Variants in HECW2 observed in about 807,000 individuals in gnomAD.
The protein encoded by HECW2 is HECT, C2 and WW domain containing E3 ubiquitin protein ligase 2, also known as E3 ubiquitin-protein ligase HECW2.
HECW2 carries 61 observed loss-of-function variants against 175.2 expected under a neutral mutation model. The observed-to-expected ratio is 0.35, with a 90% CI of 0.28 to 0.43. HECW2 has a LOEUF of 0.43. Ranked by LOEUF, HECW2 falls within the 20% of genes least tolerant of loss-of-function variation. HECW2 has a pLI of 1.00. For synonymous variants in HECW2, 671 were observed against 731.0 expected, an observed-to-expected ratio of 0.92 and a Z score of 1.32; for missense variants, 1,524 against 2,000.5, an observed-to-expected ratio of 0.76 and a Z score of 4.54.
At chr2:196,303,630 T>C (rs1393609594) in intron 13 of HECW2, among the ~76,000 whole-genome samples, 3 of 152,212 alleles carry the variant, frequency 2.0e-5, no homozygotes, top group Non-Finnish European at 2.9e-5. Context: ...CCTGGTTCAG[T>C]CTTGGGAGGG....
intron 13 of HECW2, among the ~76,000 whole-genome samples, chr2:196,305,109 T>G (rs1156316673): frequency 6.6e-6 from 1 of 152,208 alleles, no homozygotes; most frequent in Non-Finnish European, 1.5e-5. Flanking sequence ...TAGCCATCCA[T>G]TATTGCACTT....
chr2:196,287,958 T>C (rs1476369556), intron 14 of HECW2: 2 of 152,164 alleles, frequency 1.3e-5, no homozygotes, highest in Admixed American at 1.3e-4. Context: ...GACCCTTGCA[T>C]AGCACATACC....
intron 13 of HECW2, among the ~76,000 whole-genome samples, chr2:196,299,253 C>A (rs1281070571): frequency 6.6e-6 from 1 of 151,148 alleles, no homozygotes; most frequent in African/African-American, 2.4e-5. Flanking sequence ...GATAGACTAT[C>A]CAGCAAAATA....
Position 196,207,377 on chromosome 2 carries a change from CAACTAATGGTAA to C in HECW2, c.4608-6001_4608-5990del, listed in dbSNP as rs200654991. On this transcript the variant is annotated intron_variant, in intron 28 of 28. Coordinates refer to ENST00000644978, the MANE Select transcript of HECW2 (RefSeq NM_001348768.2). ...GTTAGCCTGGGTAGCTTTATTAACA[CAACTAATGGTAA>C]AACTTGTTAGAATTTTTAAAATATT... is the stretch of plus-strand genomic sequence containing the variant. Among the ~76,000 whole-genome samples the C allele has an allele frequency of 3.5e-3, 536 of 152,256 alleles. 7 individuals are homozygous for C. Among genetic ancestry groups the C allele is most frequent in the East Asian group, 6.2e-3 (32 of 5,184 alleles).
chr2:196,348,101 A>G (rs967274862), intron 2 of HECW2, among the ~76,000 whole-genome samples: 13 of 152,254 alleles, frequency 8.5e-5, no homozygotes, highest in Admixed American at 5.9e-4. Flanking sequence ...AAGAAGATCA[A>G]TTTTAATTAG....
Position 196,436,763 on chromosome 2 carries a change from A to C in HECW2, c.-35-3305T>G, listed in dbSNP as rs1421027267. 5.3e-4 allele frequency among the ~76,000 whole-genome samples: 70 copies of C among 132,908 alleles called. No homozygotes were observed. The Admixed American group carries it at 5.3e-3, about 10-fold the overall frequency. The allele number at this position is 132,908 out of a possible 152,430, so 87.2% of individuals were successfully genotyped here. A position where few individuals can be genotyped will look rare whatever the true frequency, so the allele number is the denominator to read the frequency against. On this transcript the variant is annotated intron_variant, in intron 1 of 28. Transcript: ENST00000644978. Reference sequence around the variant, plus strand: ...AAAGAGTAAGGTTTTTTTTTTTTTCAATTTCTTTCTTTTCTTTTCCTAACA... The same window carrying C: ...AAAGAGTAAGGTTTTTTTTTTTTTCCATTTCTTTCTTTTCTTTTCCTAACA...
At chr2:196,358,693 C>T (rs1693476887) in intron 2 of HECW2, among the ~76,000 whole-genome samples, 1 of 148,700 alleles carries the variant, frequency 6.7e-6, no homozygotes, top group Admixed American at 6.7e-5. Context: ...TCTCCAACTT[C>T]ATTTCCTTAG....
Position 196,194,706 on chromosome 2 carries a change from C to CTTA in HECW2, c.*6568_*6570dup, listed in dbSNP as rs780635470. On this transcript the variant is annotated 3_prime_UTR_variant, in exon 29 of 29. Transcript: ENST00000644978. ...TAAGGTGAAGTGAGAGCTGTATAAC[C>CTTA]TTAATGCTAACAGCAAGCATCTCCC... is the stretch of plus-strand genomic sequence containing the variant. 7 of 151,932 alleles carry CTTA rather than the reference C, an allele frequency of 4.6e-5. No homozygotes were observed. The highest frequency in any genetic ancestry group is 7.4e-5 in the Non-Finnish European group (5 of 67,986). 9.4% of individuals were successfully genotyped at this position (151,932 alleles called of 1,614,324 possible).
At chr2:196,293,445 T>C (rs1398212183) in intron 13 of HECW2, among the ~76,000 whole-genome samples, 1 of 152,248 alleles carries the variant, frequency 6.6e-6, no homozygotes, top group Non-Finnish European at 1.5e-5. Flanking sequence ...CTATTGTGAA[T>C]GATGCTGCAA....
At chr2:196,296,919 G>T (rs897275367) in intron 13 of HECW2, among the ~76,000 whole-genome samples, 4 of 152,210 alleles carry the variant, frequency 2.6e-5, no homozygotes, top group South Asian at 4.2e-4. Flanking sequence ...GTTCTCCTGG[G>T]GTTTAGTGGT....
intron 28 of HECW2, among the ~76,000 whole-genome samples, chr2:196,205,777 T>G (rs1687045807): frequency 2.0e-5 from 3 of 152,140 alleles, no homozygotes; most frequent in Admixed American, 1.3e-4. Context: ...ATATGCCAAG[T>G]GAGTCTGATG....
At chr2:196,412,243 C>A (rs1695133812) in intron 2 of HECW2, among the ~76,000 whole-genome samples, 1 of 152,128 alleles carries the variant, frequency 6.6e-6, no homozygotes, top group South Asian at 2.1e-4. Context: ...TCTTTTGCGA[C>A]CAGTGTAGGA....
At chr2:196,360,377 G>C (rs1693544096) in intron 2 of HECW2, among the ~76,000 whole-genome samples, 2 of 152,004 alleles carry the variant, frequency 1.3e-5, no homozygotes, top group Non-Finnish European at 2.9e-5. Flanking sequence ...AAAAAAGAAT[G>C]AGATCATGTA....
chr2:196,212,910 A>G (rs79490528), intron 28 of HECW2, among the ~76,000 whole-genome samples: 3,023 of 152,308 alleles, frequency 0.02, 99 homozygotes, highest in African/African-American at 0.069. Context: ...TTTCACTCAT[A>G]GGAAAAAGAA....
intron 1 of HECW2, among the ~76,000 whole-genome samples, chr2:196,444,787 T>C (rs1437774752): frequency 2.0e-5 from 3 of 152,316 alleles, no homozygotes; most frequent in South Asian, 2.1e-4. Context: ...TAGCAAATGG[T>C]TGCATAGTCC....
At chr2:196,591,238 C>G (rs1691179958) in intron 1 of HECW2, among the ~76,000 whole-genome samples, 1 of 152,158 alleles carries the variant, frequency 6.6e-6, no homozygotes, top group Non-Finnish European at 1.5e-5. Flanking sequence ...TCATGGTGCC[C>G]AAACCTCAGA....
At chr2:196,229,903 C>A (rs190520060) in intron 21 of HECW2, among the ~76,000 whole-genome samples, 55 of 152,184 alleles carry the variant, frequency 3.6e-4, no homozygotes, top group Admixed American at 3.3e-3. Flanking sequence ...TCCCAATGTA[C>A]CTTAAAATGA....
chr2:196,231,348 C>G (rs1688049875), intron 21 of HECW2, among the ~76,000 whole-genome samples: 1 of 152,078 alleles, frequency 6.6e-6, no homozygotes. Context: ...AGGCAGGTGC[C>G]CTGACCCCAA....
chr2:196,556,377 TG>T (rs1371593625), intron 1 of HECW2, among the ~76,000 whole-genome samples: 1 of 152,192 alleles, frequency 6.6e-6, no homozygotes, highest in African/African-American at 2.4e-5. Flanking sequence ...GTCATCATGC[TG>T]TACAGTAAGT....
Sources: gnomAD v4.1 joint callset for allele counts (sites outside exome capture counted in the v4.1 genomes callset) on GRCh38, gnomAD v4.1.1 for gene constraint, MANE v1.5 for transcripts, NCBI Gene and HGNC (gene_info 2026-07-23, HGNC 2026-07-21) for gene names.